ZSCAN25: variants seen among roughly 807,000 people sequenced by gnomAD.
ZSCAN25 encodes the protein zinc finger and SCAN domain containing 25.
In ZSCAN25, 27 loss-of-function variants were observed where a neutral mutation model predicts 38.7. That is an observed-to-expected ratio of 0.70 (90% CI 0.51 to 0.96). ZSCAN25 has a LOEUF of 0.96. ZSCAN25 is among the 40% of genes least tolerant of loss of function. The pLI is 0.00. For synonymous variants in ZSCAN25, 273 were observed against 277.7 expected, an observed-to-expected ratio of 0.98 and a Z score of 0.17; for missense variants, 637 against 705.9, an observed-to-expected ratio of 0.90 and a Z score of 1.11.
Position 99,632,244 on chromosome 7 carries a change from G to T in ZSCAN25, c.*2224G>T. On this transcript the variant is annotated 3_prime_UTR_variant, in exon 8 of 8. Transcript: ENST00000394152. Reference sequence around the variant, plus strand: ...AGTAGGGGGTTTTTCCCATGGGATTGTGGTAGTCTGATTTTTCATATCTAT... The same window carrying T: ...AGTAGGGGGTTTTTCCCATGGGATTTTGGTAGTCTGATTTTTCATATCTAT... The T allele has an allele frequency of 3.0e-6, 3 of 984,884 alleles. No individual in the cohort carries two copies. The highest frequency in any genetic ancestry group is 3.6e-6 in the Non-Finnish European group (3 of 829,476). The allele number at this position is 984,884 out of a possible 1,614,324, so 61.0% of individuals were successfully genotyped here. A position where few individuals can be genotyped will look rare whatever the true frequency, so the allele number is the denominator to read the frequency against.
chr7:99,730,486 C>T, the ZSCAN25 span: 2 of 154,628 alleles, frequency 1.3e-5, no homozygotes, highest in East Asian at 3.8e-4. Context: ...GGGAGTAAGA[C>T]CTGGGTTAAA....
the ZSCAN25 span, chr7:99,663,823 T>G: frequency 2.7e-3 from 3,703 of 1,355,272 alleles, 9 homozygotes; most frequent in Non-Finnish European, 3.3e-3. Context: ...ATCTCCTTCT[T>G]TATTTCTACC....
the ZSCAN25 span, among the ~76,000 whole-genome samples, chr7:99,696,423 T>C: frequency 6.6e-6 from 1 of 152,148 alleles, no homozygotes; most frequent in East Asian, 1.9e-4. Context: ...CTGTCATTCA[T>C]AGAGGGGTGT....
At chr7:99,644,701 A>C in the ZSCAN25 span, among the ~76,000 whole-genome samples, 1 of 152,210 alleles carries the variant, frequency 6.6e-6, no homozygotes, top group Admixed American at 6.5e-5. Context: ...TGAGTGGAGA[A>C]GCACATTCCT....
chr7:99,643,307 A>G, the ZSCAN25 span, among the ~76,000 whole-genome samples: 3 of 152,060 alleles, frequency 2.0e-5, no homozygotes, highest in Admixed American at 6.5e-5. Flanking sequence ...ATAAGAGAAG[A>G]ATCATCTTAC....
the ZSCAN25 span, among the ~76,000 whole-genome samples, chr7:99,713,097 C>T: frequency 1.1e-4 from 16 of 152,090 alleles, no homozygotes; most frequent in African/African-American, 3.9e-4. Context: ...CGGTTTTTGC[C>T]ATTGAAAGCA....
At chr7:99,725,749 C>T in the ZSCAN25 span, among the ~76,000 whole-genome samples, 1 of 152,196 alleles carries the variant, frequency 6.6e-6, no homozygotes, top group South Asian at 2.1e-4. Context: ...ACTGATGCTA[C>T]CCGATCACCT....
chr7:99,640,850 G>A, the ZSCAN25 span, among the ~76,000 whole-genome samples: 3 of 152,228 alleles, frequency 2.0e-5, no homozygotes, highest in Non-Finnish European at 2.9e-5. Context: ...AAATGCATGA[G>A]TAGTATATGT....
Position 99,631,592 on chromosome 7 carries a change from T to C in ZSCAN25, c.*1572T>C. The C allele has an allele frequency of 1.0e-6, 1 of 985,422 alleles. No homozygotes were observed. The allele number at this position is 985,422 out of a possible 1,614,324, so 61.0% of individuals were successfully genotyped here. A position where few individuals can be genotyped will look rare whatever the true frequency, so the allele number is the denominator to read the frequency against. ...AAAATGTGGTTTGTCTTCTGATGCC[T>C]CTTAATACCAGATTCTTTTACTGAG... On this transcript the variant is annotated 3_prime_UTR_variant, in exon 8 of 8. Transcript: ENST00000394152.
chr7:99,733,157 T>C, the ZSCAN25 span, among the ~76,000 whole-genome samples: 1 of 152,206 alleles, frequency 6.6e-6, no homozygotes. Context: ...CCTTGGGTTT[T>C]CCCACTCCTG....
the ZSCAN25 span, among the ~76,000 whole-genome samples, chr7:99,683,819 A>T: frequency 2.6e-5 from 4 of 152,060 alleles, no homozygotes; most frequent in Non-Finnish European, 5.9e-5. Context: ...AACCATCATG[A>T]CACTCTCTTT....
the ZSCAN25 span, chr7:99,717,643 G>T: frequency 6.2e-7 from 1 of 1,613,318 alleles, no homozygotes; most frequent in Admixed American, 1.7e-5. Flanking sequence ...CGAAAGGCTA[G>T]AGTTCAAAGC....
At chr7:99,647,170 G>A in the ZSCAN25 span, among the ~76,000 whole-genome samples, 2 of 152,128 alleles carry the variant, frequency 1.3e-5, no homozygotes, top group Non-Finnish European at 2.9e-5. Flanking sequence ...GCCCTATTTA[G>A]GCTCTGGCTG....
At chr7:99,648,065 A>G in the ZSCAN25 span, 1 of 1,121,710 alleles carries the variant, frequency 8.9e-7, no homozygotes, top group Non-Finnish European at 1.1e-6. Context: ...TCCTATGAGA[A>G]GCAGAGAAGC....
the ZSCAN25 span, among the ~76,000 whole-genome samples, chr7:99,713,122 A>G: frequency 2.0e-5 from 3 of 152,314 alleles, no homozygotes; most frequent in East Asian, 3.9e-4. Flanking sequence ...CAAAAATTGC[A>G]ATTATTTTTG....
downstream of ZSCAN25, among the ~76,000 whole-genome samples, chr7:99,635,502 AAAATTTT>A (rs1200230176): frequency 2.0e-5 from 3 of 152,226 alleles, no homozygotes; most frequent in African/African-American, 7.2e-5. Context: ...ATCCTTAAAG[AAAATTTT>A]AAGTGAAAAT....
chr7:99,723,265 C>T, the ZSCAN25 span, among the ~76,000 whole-genome samples: 33 of 152,254 alleles, frequency 2.2e-4, no homozygotes, highest in South Asian at 1.9e-3. Flanking sequence ...AACCTTACAA[C>T]GTTCCATTAT....
At chr7:99,639,052 T>C in the ZSCAN25 span, among the ~76,000 whole-genome samples, 1 of 152,194 alleles carries the variant, frequency 6.6e-6, no homozygotes, top group Non-Finnish European at 1.5e-5. Context: ...CATTGTAGGA[T>C]ATTTAGCAGC....
the ZSCAN25 span, among the ~76,000 whole-genome samples, chr7:99,688,969 C>T: frequency 6.6e-6 from 1 of 152,106 alleles, no homozygotes; most frequent in African/African-American, 2.4e-5. Flanking sequence ...TTGAAACCAA[C>T]AAGAACAAAG....
Sources: gnomAD v4.1 joint callset for allele counts (sites outside exome capture counted in the v4.1 genomes callset) on GRCh38, gnomAD v4.1.1 for gene constraint, MANE v1.5 for transcripts, NCBI Gene and HGNC (gene_info 2026-07-23, HGNC 2026-07-21) for gene names.